DCDC2C: variants seen among roughly 807,000 people sequenced by gnomAD.
DCDC2C encodes the protein doublecortin domain containing 2C.
Under a neutral mutation model 45.0 loss-of-function variants are expected in DCDC2C, and 44 were observed. The observed-to-expected ratio is 0.98, with a 90% CI of 0.77 to 1.26. The LOEUF (loss-of-function observed/expected upper bound fraction) is 1.26. Among genes scored for constraint, DCDC2C ranks in the 50% most tolerant of loss-of-function variants. The probability of loss-of-function intolerance (pLI) is 0.00; values close to 1 mark genes in which losing one functional copy is unlikely to be tolerated. For synonymous variants in DCDC2C, 187 were observed against 178.8 expected (o/e 1.05, Z -0.37); for missense variants, 447 against 468.9 (o/e 0.95, Z 0.43).
chr2:3,786,365 C>T (rs1323341636), intron 10 of DCDC2C, among the ~76,000 whole-genome samples: 2 of 145,616 alleles, frequency 1.4e-5, no homozygotes, highest in Admixed American at 6.8e-5. Context: ...CCCGCCTGTG[C>T]ACGGAGCCTC....
At chr2:3,764,521 G>A (rs932153803) in intron 6 of DCDC2C, among the ~76,000 whole-genome samples, 1 of 152,226 alleles carries the variant, frequency 6.6e-6, no homozygotes, top group African/African-American at 2.4e-5. Flanking sequence ...TCCTGCAGAT[G>A]GCATTAGCTG....
chr2:3,708,885 TG>T (rs560856868), intron 2 of DCDC2C, among the ~76,000 whole-genome samples: 1 of 152,178 alleles, frequency 6.6e-6, no homozygotes, highest in Admixed American at 6.5e-5. Flanking sequence ...CCTTTTGTTT[TG>T]GGGGGGTTTG....
chr2:3,785,803 G>A (rs947173015), intron 10 of DCDC2C, among the ~76,000 whole-genome samples: 111 of 152,158 alleles, frequency 7.3e-4, no homozygotes, highest in African/African-American at 2.5e-3. Flanking sequence ...CAAAGGACGT[G>A]AGCCCTGAGT....
At chr2:3,713,265 C>G (rs1016869831) in intron 2 of DCDC2C, among the ~76,000 whole-genome samples, 1 of 152,134 alleles carries the variant, frequency 6.6e-6, no homozygotes, top group African/African-American at 2.4e-5. Context: ...GAAGGAGAAC[C>G]CTGGTGTGCA....
intron 10 of DCDC2C, among the ~76,000 whole-genome samples, chr2:3,786,676 T>G (rs1302266921): frequency 7.1e-6 from 1 of 141,218 alleles, no homozygotes; most frequent in Non-Finnish European, 1.6e-5. Context: ...GTGTCCCGCC[T>G]GTGCACGGAG....
intron 4 of DCDC2C, among the ~76,000 whole-genome samples, chr2:3,750,518 G>A (rs967870903): frequency 6.6e-6 from 1 of 152,080 alleles, no homozygotes; most frequent in Non-Finnish European, 1.5e-5. Flanking sequence ...GTGAGGGTCT[G>A]GCTGGCTTTA....
chr2:3,739,678 C>T (rs1669143955), intron 3 of DCDC2C, among the ~76,000 whole-genome samples: 1 of 152,254 alleles, frequency 6.6e-6, no homozygotes, highest in East Asian at 1.9e-4. Context: ...GAGCTACGTC[C>T]ACTCAATAAA....
chr2:3,786,831 C>CA (rs1215656478), intron 10 of DCDC2C, among the ~76,000 whole-genome samples: 2 of 152,256 alleles, frequency 1.3e-5, no homozygotes, highest in African/African-American at 4.8e-5. Flanking sequence ...TCGATTGAAT[C>CA]AATCAACAAG....
intron 2 of DCDC2C, among the ~76,000 whole-genome samples, chr2:3,719,021 A>C (rs1668422368): frequency 6.6e-6 from 1 of 152,150 alleles, no homozygotes; most frequent in Non-Finnish European, 1.5e-5. Context: ...CGACCCAGGA[A>C]GTCCAGCTGG....
At chr2:3,722,805 G>A (rs1400527627) in intron 2 of DCDC2C, among the ~76,000 whole-genome samples, 1 of 152,186 alleles carries the variant, frequency 6.6e-6, no homozygotes, top group Non-Finnish European at 1.5e-5. Context: ...CCTCAAAAGA[G>A]CAATTAGCTC....
intron 10 of DCDC2C, among the ~76,000 whole-genome samples, chr2:3,812,674 G>T (rs1030554096): frequency 6.6e-6 from 1 of 152,084 alleles, no homozygotes; most frequent in African/African-American, 2.4e-5. Flanking sequence ...TGTGATGTTA[G>T]GGTATCGATG....
chr2:3,840,989 G>A (rs1196880638), intron 10 of DCDC2C, among the ~76,000 whole-genome samples: 1 of 152,200 alleles, frequency 6.6e-6, no homozygotes, highest in Admixed American at 6.5e-5. Flanking sequence ...CTTGCATATG[G>A]CAGGTTCCAG....
At chr2:3,742,295 T>C (rs1187614494) in intron 4 of DCDC2C, among the ~76,000 whole-genome samples, 1 of 152,124 alleles carries the variant, frequency 6.6e-6, no homozygotes, top group African/African-American at 2.4e-5. Context: ...AATACAGCAT[T>C]GCAAAAAAGA....
At chr2:3,813,081 G>A (rs1273663957) in intron 10 of DCDC2C, among the ~76,000 whole-genome samples, 1 of 90,680 alleles carries the variant, frequency 1.1e-5, no homozygotes, top group Admixed American at 1.3e-4. Flanking sequence ...TTTTTTTTTT[G>A]CTGTTTTTGA....
intron 3 of DCDC2C, among the ~76,000 whole-genome samples, chr2:3,736,145 G>A (rs888949761): frequency 6.6e-6 from 1 of 152,084 alleles, no homozygotes; most frequent in African/African-American, 2.4e-5. Context: ...TAAGCAAGTC[G>A]GACACCATGT....
At chr2:3,735,082 T>C (rs376884246) in intron 3 of DCDC2C, among the ~76,000 whole-genome samples, 25 of 152,214 alleles carry the variant, frequency 1.6e-4, no homozygotes, top group African/African-American at 5.5e-4. Flanking sequence ...TCTGTAGAGA[T>C]TGCTTTTTTC....
intron 4 of DCDC2C, among the ~76,000 whole-genome samples, chr2:3,751,282 C>G (rs545393181): frequency 6.6e-6 from 1 of 152,318 alleles, no homozygotes; most frequent in South Asian, 2.1e-4. Flanking sequence ...TGATTTACTC[C>G]TGGGGATTCT....
At chr2:3,778,038 A>T (rs13008785) in intron 8 of DCDC2C, among the ~76,000 whole-genome samples, 19,456 of 80,188 alleles carry the variant, frequency 0.24, 2,555 homozygotes, top group East Asian at 0.51. Flanking sequence ...TCAGTAGGTT[A>T]CCTGAGTGGC....
At chr2:3,776,765 C>T (rs528811874) in intron 8 of DCDC2C, among the ~76,000 whole-genome samples, 1 of 152,332 alleles carries the variant, frequency 6.6e-6, no homozygotes, top group South Asian at 2.1e-4. Flanking sequence ...GCTGAATTAA[C>T]ACCTCCTGTA....
Sources: allele counts gnomAD v4.1 joint callset (sites outside exome capture counted in the v4.1 genomes callset), GRCh38; gene constraint gnomAD v4.1.1; transcripts MANE v1.5; gene names NCBI Gene and HGNC (gene_info 2026-07-23, HGNC 2026-07-21).